B3GALT1: variants seen among roughly 807,000 people sequenced by gnomAD.
B3GALT1 encodes the protein UDP-Gal:betaGlcNAc beta 1,3-galactosyltransferase, polypeptide 1.
B3GALT1 carries 10 observed loss-of-function variants against 23.2 expected under a neutral mutation model. The observed-to-expected ratio is 0.43, with a 90% CI of 0.27 to 0.73. The LOEUF is 0.73. Among genes scored for constraint, B3GALT1 ranks in the 30% least tolerant of loss-of-function variants. The pLI, the probability that B3GALT1 is intolerant of heterozygous loss-of-function variation, is 0.21. For missense variants in B3GALT1, 299 were observed against 405.4 expected, an observed-to-expected ratio of 0.74 and a Z score of 2.25; for synonymous variants, 156 against 141.5, an observed-to-expected ratio of 1.10 and a Z score of -0.73.
At position 167,869,934 on chromosome 2, in the gene B3GALT1, C is replaced by T. The variant is rs1369216859; in HGVS notation, c.895C>T (p.Arg299Ter). Reference sequence around the variant, plus strand: ...GGCCTACAGTTTGTGTAGGTATCGCCGAGTTATCACTGTGCATCAGATCTC... The same window carrying T: ...GGCCTACAGTTTGTGTAGGTATCGCTGAGTTATCACTGTGCATCAGATCTC... ...KMAYSLCRYR[R>*]VITVHQISPE... The change falls in exon 5 of 5, where the codon CGA becomes TGA. Residue 299 changes from arginine (R) to a stop codon, truncating the protein, a stop_gained. Coordinates refer to ENST00000392690, the MANE Select transcript of B3GALT1 (RefSeq NM_020981.4). LOFTEE classifies it high-confidence loss of function. This position sits in a 1 kb window ranked among gnomAD's most constrained non-coding sequence, Gnocchi z 6.4. The T allele has an allele frequency of 2.5e-6, 4 of 1,613,846 alleles. No individual in the cohort carries two copies. The highest frequency in any genetic ancestry group is 4.5e-5 in the East Asian group (2 of 44,868).
intron 3 of B3GALT1, among the ~76,000 whole-genome samples, chr2:167,755,022 A>G (rs531866224): frequency 4.6e-5 from 7 of 151,954 alleles, no homozygotes; most frequent in Non-Finnish European, 1.0e-4. Context: ...TCTAATGAGT[A>G]TGTTGTAGGG....
At chr2:167,784,089 A>T (rs1688296356) in intron 3 of B3GALT1, among the ~76,000 whole-genome samples, 1 of 151,922 alleles carries the variant, frequency 6.6e-6, no homozygotes, top group Non-Finnish European at 1.5e-5. Flanking sequence ...TTTTTTTCAA[A>T]CTCCAAACCA....
intron 1 of B3GALT1, among the ~76,000 whole-genome samples, chr2:167,345,097 A>G (rs1053885622): frequency 6.6e-6 from 1 of 152,234 alleles, no homozygotes; most frequent in African/African-American, 2.4e-5. Flanking sequence ...GCAGAGTGCT[A>G]AGTAAATGAT....
intron 1 of B3GALT1, among the ~76,000 whole-genome samples, chr2:167,443,494 T>G (rs191972943): frequency 2.6e-5 from 4 of 152,360 alleles, no homozygotes; most frequent in African/African-American, 9.6e-5. Context: ...ATATTGATTG[T>G]TCCTATCCAT....
At chr2:167,786,881 C>T (rs1688352105) in intron 3 of B3GALT1, among the ~76,000 whole-genome samples, 1 of 151,770 alleles carries the variant, frequency 6.6e-6, no homozygotes, top group Non-Finnish European at 1.5e-5. Flanking sequence ...CACGGAGATT[C>T]TGATTTAATT....
intron 1 of B3GALT1, among the ~76,000 whole-genome samples, chr2:167,451,778 C>G (rs1294881732): frequency 6.6e-6 from 1 of 152,168 alleles, no homozygotes; most frequent in African/African-American, 2.4e-5. Flanking sequence ...CTTTGGCTAC[C>G]AGGGCGGGTA....
At chr2:167,861,804 A>G (rs921464739) in intron 4 of B3GALT1, among the ~76,000 whole-genome samples, 1 of 152,180 alleles carries the variant, frequency 6.6e-6, no homozygotes. Context: ...TTCCCTTTGC[A>G]TTTCCAAATC....
chr2:167,688,674 A>AG, intron 3 of B3GALT1, among the ~76,000 whole-genome samples: 1 of 152,234 alleles, frequency 6.6e-6, no homozygotes. Flanking sequence ...TACAAAAAAA[A>AG]CTAACATCTT....
intron 2 of B3GALT1, among the ~76,000 whole-genome samples, chr2:167,635,252 G>A (rs1685529056): frequency 6.6e-6 from 1 of 152,090 alleles, no homozygotes; most frequent in South Asian, 2.1e-4. Context: ...CATACTGAAT[G>A]CGCAAAAGCT....
chr2:167,639,605 A>T (rs1558933412), intron 2 of B3GALT1, among the ~76,000 whole-genome samples: 1 of 8,998 alleles, frequency 1.1e-4, no homozygotes, highest in East Asian at 3.8e-3. Context: ...GGAGACTTAG[A>T]TAGACAGAGA....
intron 2 of B3GALT1, among the ~76,000 whole-genome samples, chr2:167,546,747 A>G (rs1256012379): frequency 6.6e-6 from 1 of 152,010 alleles, no homozygotes; most frequent in Non-Finnish European, 1.5e-5. Flanking sequence ...ACATCCCCCT[A>G]TTTATATTTT....
chr2:167,354,581 G>A (rs1404146987), intron 1 of B3GALT1, among the ~76,000 whole-genome samples: 3 of 152,028 alleles, frequency 2.0e-5, no homozygotes, highest in South Asian at 2.1e-4. Flanking sequence ...TGTTGACCTC[G>A]TGATCCACCC....
chr2:167,580,759 G>A (rs943888681), intron 2 of B3GALT1, among the ~76,000 whole-genome samples: 1 of 152,138 alleles, frequency 6.6e-6, no homozygotes, highest in African/African-American at 2.4e-5. Context: ...TTCATCAAAT[G>A]TCTATAGTCT....
intron 2 of B3GALT1, among the ~76,000 whole-genome samples, chr2:167,624,716 T>C (rs556448360): frequency 5.3e-5 from 8 of 152,172 alleles, no homozygotes; most frequent in Admixed American, 3.9e-4. Context: ...TGGTTTGCCA[T>C]GTGAAAGGAG....
chr2:167,664,295 G>A (rs1236368509), intron 3 of B3GALT1, among the ~76,000 whole-genome samples: 2 of 151,312 alleles, frequency 1.3e-5, no homozygotes, highest in African/African-American at 4.9e-5. Context: ...TATTTCTGAG[G>A]GCTCTGTTCT....
At chr2:167,655,316 G>C (rs901152917) in intron 3 of B3GALT1, among the ~76,000 whole-genome samples, 2 of 152,102 alleles carry the variant, frequency 1.3e-5, no homozygotes, top group African/African-American at 4.8e-5. Context: ...TAGCTCATCA[G>C]AGCAGAAATT....
chr2:167,789,126 A>C (rs1032733823), intron 3 of B3GALT1, among the ~76,000 whole-genome samples: 1 of 152,196 alleles, frequency 6.6e-6, no homozygotes, highest in Non-Finnish European at 1.5e-5. Flanking sequence ...ATGTCACATA[A>C]CTTATTTAAT....
chr2:167,757,293 C>T (rs1425541064), intron 3 of B3GALT1, among the ~76,000 whole-genome samples: 1 of 152,128 alleles, frequency 6.6e-6, no homozygotes. Context: ...ATAATCATTA[C>T]TCTGTATGCC....
chr2:167,651,352 G>A (rs1685863264), intron 3 of B3GALT1, among the ~76,000 whole-genome samples: 1 of 151,810 alleles, frequency 6.6e-6, no homozygotes, highest in Non-Finnish European at 1.5e-5. Context: ...CTAAGAATAG[G>A]TAGAGTTTAG....
Sources: allele counts gnomAD v4.1 joint callset (sites outside exome capture counted in the v4.1 genomes callset), GRCh38; gene constraint gnomAD v4.1.1; non-coding constraint Gnocchi (gnomAD v3.1); transcripts MANE v1.5; gene names NCBI Gene and HGNC (gene_info 2026-07-23, HGNC 2026-07-21).